The following PACSIN2 variants were observed in gnomAD, a reference collection of about 807,000 sequenced individuals.
PACSIN2 encodes the protein protein kinase C and casein kinase substrate in neurons protein 2.
Under a neutral mutation model 63.8 loss-of-function variants are expected in PACSIN2, and 25 were observed. The observed-to-expected ratio is 0.39, with a 90% confidence interval of 0.29 to 0.55. PACSIN2 has a LOEUF of 0.55. Among genes scored for constraint, PACSIN2 ranks in the 20% least tolerant of loss-of-function variants. The pLI, the probability that PACSIN2 is intolerant of heterozygous loss-of-function variation, is 0.62. For synonymous variants in PACSIN2, 255 were observed against 256.2 expected, an observed-to-expected ratio of 1.00 and a Z score of 0.05; for missense variants, 518 against 646.9, an observed-to-expected ratio of 0.80 and a Z score of 2.16.
chr22:42,941,864 A>G (rs1316056856), intron 1 of PACSIN2, among the ~76,000 whole-genome samples: 1 of 151,830 alleles, frequency 6.6e-6, no homozygotes, highest in Admixed American at 6.6e-5. Flanking sequence ...GCAACCTCTG[A>G]CTCCTGGGTT....
At chr22:42,906,075 G>A (rs1931054825) in intron 2 of PACSIN2, among the ~76,000 whole-genome samples, 1 of 152,270 alleles carries the variant, frequency 6.6e-6, no homozygotes, top group Admixed American at 6.5e-5. Flanking sequence ...TGGCAGCAGT[G>A]CTGAAAACTG....
At chr22:42,953,127 A>C (rs1933771425) in intron 1 of PACSIN2, among the ~76,000 whole-genome samples, 1 of 152,156 alleles carries the variant, frequency 6.6e-6, no homozygotes, top group African/African-American at 2.4e-5. Context: ...TAAAAAAATC[A>C]GAAAAAAAAA....
chr22:42,995,509 C>A (rs563846954), intron 1 of PACSIN2, among the ~76,000 whole-genome samples: 2 of 152,152 alleles, frequency 1.3e-5, no homozygotes, highest in African/African-American at 4.8e-5. Context: ...TTGGGCAGGA[C>A]CTTAAAAGTC....
intron 1 of PACSIN2, among the ~76,000 whole-genome samples, chr22:42,933,131 T>A (rs540413890): frequency 1.3e-5 from 2 of 152,354 alleles, no homozygotes; most frequent in South Asian, 4.1e-4. Context: ...AGTCTATTAT[T>A]ATCTTTATGT....
chr22:42,990,678 G>C lies in PACSIN2; in HGVS notation c.-78+24343C>G, dbSNP rs192353274. 3.1e-3 allele frequency among the ~76,000 whole-genome samples: 470 copies of C among 152,254 alleles called. 3 individuals are homozygous for C. Among genetic ancestry groups the C allele is most frequent in the African/African-American group, 0.011 (463 of 41,554 alleles). On this transcript the variant is annotated intron_variant, in intron 1 of 10. Coordinates refer to ENST00000263246, the MANE Select transcript of PACSIN2 (RefSeq NM_001184970.3). ...AGTTCAGGAGTGTGGCAAGAGATGA[G>C]ACTCAACGGGTAAGCAGGGGTCAGA...
At chr22:42,981,805 C>T (rs1922172241) in intron 1 of PACSIN2, among the ~76,000 whole-genome samples, 1 of 130,102 alleles carries the variant, frequency 7.7e-6, no homozygotes, top group African/African-American at 3.0e-5. Flanking sequence ...CGGCCAGCCG[C>T]CCAGTCCGGG....
In PACSIN2 at chr22:42,871,311, CCTGGGCCCGCCGCCTCCGT is replaced by C; in HGVS notation, c.*27_*45del. 1 of 1,259,236 alleles carries C rather than the reference CCTGGGCCCGCCGCCTCCGT, an allele frequency of 7.9e-7. No individual in the cohort carries two copies. Among genetic ancestry groups the C allele is most frequent in the Non-Finnish European group, 1.2e-6 (1 of 862,668 alleles). The allele number at this position is 1,259,236 out of a possible 1,614,324, so 78.0% of individuals were successfully genotyped here. On this transcript the variant is annotated 3_prime_UTR_variant, in exon 11 of 11. Transcript: ENST00000263246. This position sits in a 1 kb window ranked among gnomAD's most constrained non-coding sequence, Gnocchi z 5.4. ...GATGCCCACGTGGCTGGCTGAGGCT[CCTGGGCCCGCCGCCTCCGT>C]CCCCCCGCTGGCCTGTCCCCGACTC...
intron 10 of PACSIN2, among the ~76,000 whole-genome samples, chr22:42,874,631 G>C (rs764516227): frequency 6.6e-6 from 1 of 152,168 alleles, no homozygotes; most frequent in Non-Finnish European, 1.5e-5. Flanking sequence ...CTGGCAGTTG[G>C]GGACCCCTAG....
At chr22:42,961,033 C>A (rs1195111018) in intron 1 of PACSIN2, among the ~76,000 whole-genome samples, 1 of 152,178 alleles carries the variant, frequency 6.6e-6, no homozygotes, top group Admixed American at 6.5e-5. Flanking sequence ...AAGCCAGGAT[C>A]TAAGTGGTAA....
intron 1 of PACSIN2, among the ~76,000 whole-genome samples, chr22:42,918,230 C>A (rs1175985013): frequency 2.0e-5 from 3 of 152,182 alleles, no homozygotes; most frequent in Non-Finnish European, 4.4e-5. Context: ...GTCCAAGGAG[C>A]TAGAAGAGCT....
At chr22:42,945,551 C>T (rs535441720) in intron 1 of PACSIN2, among the ~76,000 whole-genome samples, 62 of 152,222 alleles carry the variant, frequency 4.1e-4, no homozygotes, top group Non-Finnish European at 6.0e-4. Context: ...GGGTTTTCTA[C>T]GTCAGAAATG....
chr22:42,932,894 T>C (rs557343290), intron 1 of PACSIN2, among the ~76,000 whole-genome samples: 1 of 152,312 alleles, frequency 6.6e-6, no homozygotes, highest in Admixed American at 6.5e-5. Context: ...GTCCACACTT[T>C]CCACACTTTT....
At chr22:42,951,043 C>T (rs539808112) in intron 1 of PACSIN2, among the ~76,000 whole-genome samples, 2 of 152,252 alleles carry the variant, frequency 1.3e-5, no homozygotes, top group East Asian at 3.9e-4. Context: ...ATGAACATCT[C>T]TGGGTGGTGG....
intron 10 of PACSIN2, among the ~76,000 whole-genome samples, chr22:42,873,524 G>C (rs1401617994): frequency 2.6e-5 from 4 of 152,242 alleles, no homozygotes; most frequent in Admixed American, 2.0e-4. Context: ...TAGGCCATTG[G>C]GCACAGCCCC....
rs745758662 is a variant in PACSIN2 at position 42,879,198 on chromosome 22, C to A, written c.907-29G>T. ...GGCAACAGGTGCCGAGGGAGAGAAA[C>A]CAAAGGTTCACTACTTGCTGGAAGC... On this transcript the variant is annotated intron_variant, in intron 7 of 10. Transcript: ENST00000263246. 2.5e-6 allele frequency: 4 copies of A among 1,606,712 alleles called. No individual in the cohort carries two copies. The East Asian group carries it at 6.7e-5, about 27-fold the overall frequency.
chr22:42,964,619 G>C (rs956568433), intron 1 of PACSIN2, among the ~76,000 whole-genome samples: 1 of 152,052 alleles, frequency 6.6e-6, no homozygotes, highest in African/African-American at 2.4e-5. Flanking sequence ...TGGGGTACCT[G>C]GCAGCCTGGC....
At chr22:42,977,959 C>T (rs1464488156) in intron 1 of PACSIN2, among the ~76,000 whole-genome samples, 5 of 152,142 alleles carry the variant, frequency 3.3e-5, no homozygotes, top group African/African-American at 7.2e-5. Context: ...AATGTGAGAA[C>T]GAACTAATAC....
At chr22:42,984,826 C>G (rs79437311) in intron 1 of PACSIN2, among the ~76,000 whole-genome samples, 2 of 152,128 alleles carry the variant, frequency 1.3e-5, no homozygotes, top group Non-Finnish European at 2.9e-5. Flanking sequence ...CACATCAACA[C>G]CCAGCTTAGT....
chr22:42,964,046 G>A (rs1359207223), intron 1 of PACSIN2, among the ~76,000 whole-genome samples: 1 of 152,178 alleles, frequency 6.6e-6, no homozygotes, highest in Non-Finnish European at 1.5e-5. Flanking sequence ...TTACCTCAAA[G>A]AGAAACCCTG....
Sources: allele counts gnomAD v4.1 joint callset (sites outside exome capture counted in the v4.1 genomes callset), GRCh38; gene constraint gnomAD v4.1.1; non-coding constraint Gnocchi (gnomAD v3.1); transcripts MANE v1.5; gene names NCBI Gene and HGNC (gene_info 2026-07-23, HGNC 2026-07-21).